The following DACH1 variants were observed in gnomAD, a reference collection of about 807,000 sequenced individuals.
DACH1 encodes the protein dachshund family transcription factor 1.
DACH1 carries 12 observed loss-of-function variants against 54.2 expected under a neutral mutation model. That is an observed-to-expected ratio of 0.22 (90% CI 0.14 to 0.36). DACH1 has a LOEUF of 0.36. Among genes scored for constraint, DACH1 ranks in the 10% least tolerant of loss-of-function variants. DACH1 has a pLI of 1.00. For synonymous variants in DACH1, 386 were observed against 366.2 expected (o/e 1.05, Z -0.62); for missense variants, 805 against 929.8 (o/e 0.87, Z 1.75).
chr13:71,658,344 GT>G (rs1314995910), intron 2 of DACH1, among the ~76,000 whole-genome samples: 2 of 152,154 alleles, frequency 1.3e-5, no homozygotes, highest in Non-Finnish European at 2.9e-5. Context: ...ATGTTCAGGA[GT>G]TTGAGACTAG....
intron 1 of DACH1, among the ~76,000 whole-genome samples, chr13:71,714,482 G>C (rs1882880179): frequency 1.3e-5 from 2 of 151,990 alleles, no homozygotes; most frequent in Admixed American, 1.3e-4. Flanking sequence ...ACTTTAACTT[G>C]AGTAAGTTAG....
chr13:71,464,456 A>C, intron 10 of DACH1: 1 of 313,414 alleles, frequency 3.2e-6, no homozygotes. Flanking sequence ...AAAACATACA[A>C]ACTTGTGCAA....
At chr13:71,585,890 G>A (rs77909804) in intron 3 of DACH1, among the ~76,000 whole-genome samples, 3,877 of 151,982 alleles carry the variant, frequency 0.026, 75 homozygotes, top group Non-Finnish European at 0.04. Context: ...CATGCCACTG[G>A]AAAATTGATA....
At chr13:71,741,508 T>C (rs922123478) in intron 1 of DACH1, among the ~76,000 whole-genome samples, 1 of 152,174 alleles carries the variant, frequency 6.6e-6, no homozygotes, top group Non-Finnish European at 1.5e-5. Context: ...TCCACTTCTT[T>C]ATTTTATTTA....
At chr13:71,442,452 G>A (rs939399827) in intron 10 of DACH1, among the ~76,000 whole-genome samples, 3 of 152,036 alleles carry the variant, frequency 2.0e-5, no homozygotes, top group Non-Finnish European at 4.4e-5. Flanking sequence ...GGACAATTAG[G>A]TTGCTTCCAA....
At chr13:71,735,765 G>T (rs1195623208) in intron 1 of DACH1, among the ~76,000 whole-genome samples, 1 of 151,854 alleles carries the variant, frequency 6.6e-6, no homozygotes, top group African/African-American at 2.4e-5. Flanking sequence ...TTAAGGGAAA[G>T]AGTCCAATTA....
chr13:71,734,940 A>AAC lies in DACH1; in HGVS notation c.849-53032_849-53031dup, dbSNP rs562771953. Among the ~76,000 whole-genome samples the AAC allele has an allele frequency of 1.5e-4, 22 of 148,644 alleles. No individual in the cohort carries two copies. In the South Asian group the frequency reaches 4.2e-3, roughly 29 times the overall value. On this transcript the variant is annotated intron_variant, in intron 1 of 10. Transcript: ENST00000613252. ...ATATATGTATATATACATATATATA[A>AAC]ACACACACACACAGGATATATATAT...
intron 1 of DACH1, among the ~76,000 whole-genome samples, chr13:71,683,483 T>C (rs1356677512): frequency 6.6e-6 from 1 of 152,138 alleles, no homozygotes; most frequent in African/African-American, 2.4e-5. Context: ...TTGTTTCAAA[T>C]GAGCTGAAAC....
chr13:71,794,983 A>G (rs995630013), intron 1 of DACH1, among the ~76,000 whole-genome samples: 1 of 151,630 alleles, frequency 6.6e-6, no homozygotes, highest in Admixed American at 6.6e-5. Flanking sequence ...TACTCAAACC[A>G]TAGCCAAAGA....
At chr13:71,674,948 A>G (rs1400324162) in intron 2 of DACH1, 107 of 654,616 alleles carry the variant, frequency 1.6e-4, no homozygotes, top group Non-Finnish European at 9.1e-5. Context: ...GAAAACACAT[A>G]CAAACGGTGT....
intron 1 of DACH1, among the ~76,000 whole-genome samples, chr13:71,813,302 A>AGAT (rs1887789922): frequency 6.6e-6 from 1 of 152,190 alleles, no homozygotes; most frequent in African/African-American, 2.4e-5. Flanking sequence ...CTTGCAAGTT[A>AGAT]GATACTATTC....
chr13:71,716,458 C>A (rs1272027294), intron 1 of DACH1, among the ~76,000 whole-genome samples: 1 of 152,054 alleles, frequency 6.6e-6, no homozygotes, highest in Non-Finnish European at 1.5e-5. Context: ...GTAGTTGGAA[C>A]CTAATTACTT....
chr13:71,595,176 C>A (rs1396590073), intron 3 of DACH1, among the ~76,000 whole-genome samples: 1 of 151,990 alleles, frequency 6.6e-6, no homozygotes, highest in Non-Finnish European at 1.5e-5. Context: ...GACTCTAAGG[C>A]AGATGCATTC....
At chr13:71,780,896 G>C (rs1315696581) in intron 1 of DACH1, among the ~76,000 whole-genome samples, 1 of 152,090 alleles carries the variant, frequency 6.6e-6, no homozygotes, top group East Asian at 1.9e-4. Flanking sequence ...CATTTTGGGA[G>C]GCCAAGGCAA....
At chr13:71,693,469 ATTTTT>A (rs748598587) in intron 1 of DACH1, among the ~76,000 whole-genome samples, 1 of 119,300 alleles carries the variant, frequency 8.4e-6, no homozygotes, top group Non-Finnish European at 1.7e-5. Flanking sequence ...CGCCCGGCAA[ATTTTT>A]TTTTTTTTTT....
intron 3 of DACH1, among the ~76,000 whole-genome samples, chr13:71,577,234 C>T (rs984108702): frequency 1.3e-5 from 2 of 152,148 alleles, no homozygotes; most frequent in African/African-American, 4.8e-5. Context: ...CCACCTCCAA[C>T]CCCTGCTCCC....
chr13:71,755,902 C>A (rs937683924), intron 1 of DACH1, among the ~76,000 whole-genome samples: 1 of 151,978 alleles, frequency 6.6e-6, no homozygotes, highest in South Asian at 2.1e-4. Context: ...GAATATTCAT[C>A]ATAGACCATT....
At chr13:71,630,478 A>T in intron 3 of DACH1, 78 bp downstream of exon 3, 1 of 1,454,404 alleles carries the variant, frequency 6.9e-7, no homozygotes. Context: ...GGTAGCCAAC[A>T]GTTTTGTTCT....
intron 6 of DACH1, among the ~76,000 whole-genome samples, chr13:71,515,491 A>C (rs1296291142): frequency 6.6e-6 from 1 of 151,930 alleles, no homozygotes; most frequent in African/African-American, 2.4e-5. Context: ...AAAGCTCTGA[A>C]CCTGACTTCA....
Sources: allele counts gnomAD v4.1 joint callset (sites outside exome capture counted in the v4.1 genomes callset), GRCh38; gene constraint gnomAD v4.1.1; transcripts MANE v1.5; gene names NCBI Gene and HGNC (gene_info 2026-07-23, HGNC 2026-07-21).